RGS12: variants seen among roughly 807,000 people sequenced by gnomAD.
RGS12 encodes regulator of G-protein signaling 12.
Under a neutral mutation model 120.1 loss-of-function variants are expected in RGS12, and 66 were observed. The ratio of observed to expected loss-of-function variants is 0.55; its 90% confidence interval spans 0.45 to 0.67. The LOEUF is 0.67. Ranked by LOEUF, RGS12 falls within the 30% of genes least tolerant of loss-of-function variation. The pLI, the probability that RGS12 is intolerant of heterozygous loss-of-function variation, is 0.00. For missense variants in RGS12, 1,859 were observed against 1,957.7 expected (o/e 0.95, Z 0.95); for synonymous variants, 827 against 804.7 (o/e 1.03, Z -0.47).
chr4:3,412,316 C>T (rs900511099), intron 4 of RGS12, among the ~76,000 whole-genome samples: 2 of 152,224 alleles, frequency 1.3e-5, no homozygotes, highest in Non-Finnish European at 2.9e-5. Context: ...GCTGTGGCCT[C>T]CTTGGAAGCC....
intron 15 of RGS12, 154 bp from the exon 16 acceptor site, chr4:3,428,404 T>C: frequency 1.3e-6 from 1 of 787,142 alleles, no homozygotes. Context: ...TATTCTTGTT[T>C]GTAATCCTTA....
chr4:3,339,290 T>C (rs754023214), intron 2 of RGS12, among the ~76,000 whole-genome samples: 1 of 152,150 alleles, frequency 6.6e-6, no homozygotes, highest in Non-Finnish European at 1.5e-5. Context: ...CAGCTCAGCC[T>C]GGGCAACATA....
At chr4:3,311,671 G>A (rs767813282) in intron 1 of RGS12, among the ~76,000 whole-genome samples, 3 of 152,114 alleles carry the variant, frequency 2.0e-5, no homozygotes, top group Non-Finnish European at 2.9e-5. Context: ...CAAAAGTACC[G>A]CACAAAATTA....
intron 4 of RGS12, chr4:3,412,889 G>A (rs931186155): frequency 1.3e-5 from 2 of 152,368 alleles, no homozygotes; most frequent in African/African-American, 4.8e-5. Flanking sequence ...GGTCCCTGAA[G>A]CTGGGCTCAC....
In RGS12 at chr4:3,422,461, T is replaced by C; in HGVS notation, c.2924T>C (p.Val975Ala). The C allele has an allele frequency of 6.2e-7, 1 of 1,613,162 alleles. No individual in the cohort carries two copies. Among genetic ancestry groups the C allele is most frequent in the Non-Finnish European group, 8.5e-7 (1 of 1,179,982 alleles). ...CIHLPDGTSCVVAVKAGFSIK... is the reference protein window; with the variant it reads ...CIHLPDGTSCAVAVKAGFSIK... ...CATCTCCCGGATGGGACATCCTGCG[T>C]GGTGGCTGTCAAGGCGGGCTTCTCC... Residue 975 changes from valine to alanine, a missense_variant, in exon 11 of 18, where the codon GTG becomes GCG. Val to Ala is a moderately conservative substitution (Grantham distance 64). Transcript: ENST00000336727.
chr4:3,351,373 G>A (rs1367834913), intron 3 of RGS12, among the ~76,000 whole-genome samples: 3 of 152,022 alleles, frequency 2.0e-5, no homozygotes. Flanking sequence ...TGATCTGACA[G>A]CCCTTAGCTT....
intron 3 of RGS12, among the ~76,000 whole-genome samples, chr4:3,354,805 A>T (rs749422888): frequency 7.2e-5 from 11 of 152,260 alleles, no homozygotes; most frequent in Non-Finnish European, 1.2e-4. Context: ...ATAGAATGTC[A>T]TCTCAAGAAG....
At chr4:3,337,090 C>T (rs537105754) in intron 2 of RGS12, among the ~76,000 whole-genome samples, 15 of 152,192 alleles carry the variant, frequency 9.9e-5, no homozygotes, top group African/African-American at 3.6e-4. Flanking sequence ...TCAATGGGCA[C>T]GTGGAAAGAT....
In RGS12 at chr4:3,374,376, C is replaced by A. The variant is rs112458179; in HGVS notation, c.1999-12040C>A. Among the ~76,000 whole-genome samples the A allele has an allele frequency of 0.011, 1,740 of 152,306 alleles. 44 individuals are homozygous for A. The highest frequency in any genetic ancestry group is 0.038 in the African/African-American group (1,574 of 41,570). On this transcript the variant is annotated intron_variant, in intron 3 of 17. Transcript: ENST00000336727. This position sits in a 1 kb window ranked among gnomAD's most constrained non-coding sequence, Gnocchi z 6.3. ...GCCTAGGCTGGGCGGGGACCGGTCT[C>A]CTTCCGCCACCACCTTCCACGACAG...
intron 17 of RGS12, among the ~76,000 whole-genome samples, chr4:3,438,204 C>T (rs976088513): frequency 6.6e-6 from 1 of 152,148 alleles, no homozygotes; most frequent in African/African-American, 2.4e-5. Context: ...ATAGGCGCCT[C>T]AAGGCCTCCA....
rs1232531738 is a variant in RGS12 at position 3,316,483 on chromosome 4, T to TG, written c.314dup (p.Cys105TrpfsTer4). Reference sequence around the variant, plus strand: ...TGAAGGCGTCGGCCGCTTCGAATCCTGTTCCAGTGATGAAGAAGGGGGACT... The same window carrying TG: ...TGAAGGCGTCGGCCGCTTCGAATCCTGGTTCCAGTGATGAAGAAGGGGGACT... On this transcript the variant is annotated frameshift_variant, in exon 2 of 18. Transcript: ENST00000336727. LOFTEE classifies it high-confidence loss of function. The TG allele has an allele frequency of 6.2e-7, 1 of 1,614,204 alleles. No homozygotes were observed. The highest frequency in any genetic ancestry group is 1.1e-5 in the South Asian group (1 of 91,084).
intron 2 of RGS12, among the ~76,000 whole-genome samples, chr4:3,320,232 G>A (rs1265134228): frequency 6.6e-6 from 1 of 152,192 alleles, no homozygotes; most frequent in African/African-American, 2.4e-5. Context: ...GACAGATAAT[G>A]CTGTCGTCCC....
chr4:3,338,241 G>T (rs961219862), intron 2 of RGS12, among the ~76,000 whole-genome samples: 1 of 152,166 alleles, frequency 6.6e-6, no homozygotes, highest in African/African-American at 2.4e-5. Context: ...TGTATTTTTA[G>T]TAGAGACAGG....
intron 2 of RGS12, among the ~76,000 whole-genome samples, chr4:3,328,187 A>G (rs1327267179): frequency 6.6e-6 from 1 of 151,990 alleles, no homozygotes; most frequent in Non-Finnish European, 1.5e-5. Flanking sequence ...GAGCTAAATG[A>G]TGTGTACACA....
chr4:3,304,978 C>T (rs1245065857), intron 1 of RGS12, among the ~76,000 whole-genome samples: 1 of 152,202 alleles, frequency 6.6e-6, no homozygotes, highest in Non-Finnish European at 1.5e-5. Flanking sequence ...GATGAGGATT[C>T]GTTTCCATGC....
intron 2 of RGS12, among the ~76,000 whole-genome samples, chr4:3,339,288 C>T (rs886492680): frequency 6.6e-6 from 1 of 152,126 alleles, no homozygotes; most frequent in African/African-American, 2.4e-5. Context: ...TTCAGCTCAG[C>T]CTGGGCAACA....
At chr4:3,360,879 G>A (rs562103303) in intron 3 of RGS12, among the ~76,000 whole-genome samples, 2 of 152,308 alleles carry the variant, frequency 1.3e-5, no homozygotes, top group East Asian at 1.9e-4. Context: ...AGGGATTTGA[G>A]TAGACATTTT....
rs1271325482 is a variant in RGS12 at position 3,366,361 on chromosome 4, C to T, written c.1999-20055C>T. Among the ~76,000 whole-genome samples the T allele has an allele frequency of 2.0e-5, 3 of 152,100 alleles. No homozygotes were observed. The highest frequency in any genetic ancestry group is 7.2e-5 in the African/African-American group (3 of 41,404). On this transcript the variant is annotated intron_variant, in intron 3 of 17. Coordinates refer to ENST00000336727, the MANE Select transcript of RGS12 (RefSeq NM_001394154.1). The surrounding 1 kb of genome is among the most constrained non-coding windows in gnomAD (Gnocchi z 4.0). ...GCCCATAGAGGAGCCACACCTGGGC[C>T]TTTGGCTTGGCGACCAGAGGCCTCC...
intron 1 of RGS12, among the ~76,000 whole-genome samples, chr4:3,294,253 G>C (rs1340521903): frequency 6.6e-6 from 1 of 152,258 alleles, no homozygotes; most frequent in Non-Finnish European, 1.5e-5. Context: ...CTGCACAGAA[G>C]GGGCGCTGGG....
Sources: allele counts gnomAD v4.1 joint callset (sites outside exome capture counted in the v4.1 genomes callset), GRCh38; gene constraint gnomAD v4.1.1; non-coding constraint Gnocchi (gnomAD v3.1); transcripts MANE v1.5; gene names NCBI Gene and HGNC (gene_info 2026-07-23, HGNC 2026-07-21).